Variants in ZNF836 observed in about 807,000 individuals in gnomAD.
The protein encoded by ZNF836 is zinc finger protein 836.
In ZNF836, 12 loss-of-function variants were observed where a neutral mutation model predicts 7.4. The observed-to-expected ratio is 1.61, with a 90% confidence interval of 1.03 to 2.61. ZNF836 has a LOEUF of 2.61. ZNF836 is among the 30% of genes most tolerant of loss of function. ZNF836 has a pLI of 0.00. For synonymous variants in ZNF836, 365 were observed against 382.6 expected (o/e 0.95, Z 0.54); for missense variants, 998 against 1,126.2 (o/e 0.89, Z 1.63).
intron 3 of ZNF836, among the ~76,000 whole-genome samples, chr19:52,166,540 AT>A (rs2122228166): frequency 6.7e-6 from 1 of 150,346 alleles, no homozygotes; most frequent in South Asian, 2.1e-4. Flanking sequence ...ATAATAAAAT[AT>A]TATTTTCCTA....
chr19:52,155,727 G>C lies in ZNF836; in HGVS notation c.1956C>G (p.Cys652Trp). ...TATGAATTTTCCGATGACGTGCTAG[G>C]CATGAGTAGTAACTGAAAACCTTGC... ...ECGKVFSYYS[C>W]LARHRKIHTG... is the part of the protein sequence containing the mutation. Residue 652 changes from cysteine to tryptophan, a missense_variant, in exon 5 of 5, where the codon TGC becomes TGG. By Grantham distance (215) the Cys-to-Trp change is radical. Transcript: ENST00000682614. 1 of 1,614,104 alleles carries C rather than the reference G, an allele frequency of 6.2e-7. No individual in the cohort carries two copies.
chr19:52,156,619 T>C lies in ZNF836; in HGVS notation c.1064A>G (p.Glu355Gly), dbSNP rs61739527. 51,590 of 1,614,096 alleles carry C rather than the reference T, an allele frequency of 0.032. 1,009 individuals are homozygous for C. The highest frequency in any genetic ancestry group is 0.038 in the Middle Eastern group (231 of 6,062). The change falls in exon 5 of 5, where the codon GAG becomes GGG. Residue 355 changes from glutamate to glycine, a missense_variant. Coordinates refer to ENST00000682614, the MANE Select transcript of ZNF836 (RefSeq NM_001102657.3). The part of the protein sequence containing the change: ...LTTHQIIHTG[E>G]KPYQCDICGK... ...ACATATATCACATTGATATGGTTTC[T>C]CTCCTGTATGGATTATCTGATGTGT...
chr19:52,162,421 C>G (rs1357684722), intron 3 of ZNF836, among the ~76,000 whole-genome samples: 1 of 152,220 alleles, frequency 6.6e-6, no homozygotes, highest in Non-Finnish European at 1.5e-5. Flanking sequence ...AACCGTGAGT[C>G]CACATCTCAT....
At chr19:52,166,612 C>T (rs1600143808) in intron 3 of ZNF836, among the ~76,000 whole-genome samples, 2 of 139,314 alleles carry the variant, frequency 1.4e-5, no homozygotes, top group African/African-American at 5.3e-5. Flanking sequence ...CTCGCTCTGT[C>T]GCCCAGGCTG....
chr19:52,166,941 T>C (rs2089270374), intron 3 of ZNF836, among the ~76,000 whole-genome samples: 1 of 151,742 alleles, frequency 6.6e-6, no homozygotes, highest in Non-Finnish European at 1.5e-5. Flanking sequence ...AACAAATATA[T>C]TATGTGATGT....
At position 52,154,635 on chromosome 19, in the gene ZNF836, G is replaced by C. The variant is rs2089133873; in HGVS notation, c.*237C>G. ...AGATCACGCCACTGCATTCCAGCCT[G>C]GCGACAGAGAGAGACTCCGTCTCAA... On this transcript the variant is annotated 3_prime_UTR_variant, in exon 5 of 5. Coordinates refer to ENST00000682614, the MANE Select transcript of ZNF836 (RefSeq NM_001102657.3). The C allele has an allele frequency of 6.0e-6, 2 of 336,052 alleles. No individual in the cohort carries two copies. The highest frequency in any genetic ancestry group is 9.0e-5 in the Admixed American group (2 of 22,314). 20.8% of individuals were successfully genotyped at this position (336,052 alleles called of 1,614,324 possible). A position where few individuals can be genotyped will look rare whatever the true frequency, so the allele number is the denominator to read the frequency against.
chr19:52,170,290 C>T (rs149714524), intron 1 of ZNF836: 9 of 152,430 alleles, frequency 5.9e-5, no homozygotes, highest in African/African-American at 2.2e-4. Context: ...TCCCCAATCT[C>T]CACGTATTTC....
chr19:52,167,332 C>T (rs2089273912), intron 3 of ZNF836, among the ~76,000 whole-genome samples: 1 of 151,434 alleles, frequency 6.6e-6, no homozygotes. Flanking sequence ...ATCAGCCGGG[C>T]GTGGTGGCGC....
chr19:52,164,430 GGAGA>G (rs149371899), intron 3 of ZNF836, among the ~76,000 whole-genome samples: 153 of 136,514 alleles, frequency 1.1e-3, no homozygotes, highest in South Asian at 4.0e-3. Flanking sequence ...AAGGAGGGAG[GGAGA>G]GAGAGAGAGA....
Position 52,157,001 on chromosome 19 carries a change from T to C in ZNF836, c.682A>G (p.Arg228Gly). ...YMCKGCGKAFRVSSSLINHQM... is the reference protein window; with the variant it reads ...YMCKGCGKAFGVSSSLINHQM... Reference sequence around the variant, plus strand: ...TGGTTAATAAGACTTGAAGACACTCTAAAGGCTTTGCCACACCCTTTACAC... The same window carrying C: ...TGGTTAATAAGACTTGAAGACACTCCAAAGGCTTTGCCACACCCTTTACAC... The change falls in exon 5 of 5, where the codon AGA (arginine) becomes GGA (glycine). Residue 228 changes from arginine to glycine, a missense_variant. Transcript: ENST00000682614. 1 of 1,613,268 alleles carries C rather than the reference T, an allele frequency of 6.2e-7. No homozygotes were observed. Among genetic ancestry groups the C allele is most frequent in the Non-Finnish European group, 8.5e-7 (1 of 1,179,360 alleles).
intron 3 of ZNF836, among the ~76,000 whole-genome samples, chr19:52,165,988 TTTA>T (rs1386191407): frequency 6.6e-6 from 1 of 152,060 alleles, no homozygotes; most frequent in Non-Finnish European, 1.5e-5. Flanking sequence ...ATGTCCTTTT[TTTA>T]TTTTTATTTT....
chr19:52,160,758 T>G, intron 3 of ZNF836, 167 bp from the exon 4 acceptor site: 1 of 772,672 alleles, frequency 1.3e-6, no homozygotes, highest in Admixed American at 3.4e-5. Flanking sequence ...TGTTTTAAAA[T>G]TCAATAGAAG....
rs2089281548 is a variant in ZNF836 at position 52,168,125 on chromosome 19, A to G, written c.-53T>C. 1 of 1,589,826 alleles carries G rather than the reference A, an allele frequency of 6.3e-7. No individual in the cohort carries two copies. Among genetic ancestry groups the G allele is most frequent in the Non-Finnish European group, 8.5e-7 (1 of 1,172,730 alleles). The stretch of plus-strand genomic sequence containing the variant: ...CCTCTTCTGGGCTTCTCTCTCAGTC[A>G]ATATAATTAATTCTTTACAAGTCAA... On this transcript the variant is annotated 5_prime_UTR_variant, in exon 3 of 5. Coordinates refer to ENST00000682614, the MANE Select transcript of ZNF836 (RefSeq NM_001102657.3).
intron 3 of ZNF836, chr19:52,165,279 G>A (rs1860388952): frequency 6.6e-6 from 1 of 152,178 alleles, no homozygotes; most frequent in South Asian, 2.1e-4. Flanking sequence ...CAACCTGGAG[G>A]AAACTTCAGA....
Position 52,156,569 on chromosome 19 carries a change from T to G in ZNF836, c.1114A>C (p.Asn372His). The G allele has an allele frequency of 1.2e-6, 2 of 1,612,924 alleles. No individual in the cohort carries two copies. Among genetic ancestry groups the G allele is most frequent in the Non-Finnish European group, 1.7e-6 (2 of 1,179,760 alleles). The change falls in exon 5 of 5, where the codon AAT becomes CAT. Residue 372 changes from asparagine to histidine, a missense_variant. Physicochemically the swap from Asn to His is moderately conservative, Grantham distance 68. Coordinates refer to ENST00000682614, the MANE Select transcript of ZNF836 (RefSeq NM_001102657.3). ...ICGKVFRQNS[N>H]LVNHQRIHTG... is the part of the protein sequence containing the mutation. ...TGGATTCTCTGGTGATTTACAAGATTAGAATTCTGCCTGAAGACCTTGCCA... is the reference window on the plus strand; with the variant it reads ...TGGATTCTCTGGTGATTTACAAGATGAGAATTCTGCCTGAAGACCTTGCCA...
intron 2 of ZNF836, among the ~76,000 whole-genome samples, chr19:52,168,468 G>A (rs926379798): frequency 3.3e-5 from 5 of 151,992 alleles, no homozygotes; most frequent in Non-Finnish European, 5.9e-5. Context: ...TGCACCTGTA[G>A]TCCCAGCTAC....
At position 52,156,907 on chromosome 19, in the gene ZNF836, G is replaced by T. The variant is rs925211292; in HGVS notation, c.776C>A (p.Ser259Ter). ...NECGKAFHRG[S>*]LLTIHQIVHT... ...GACTATCTGATGTATAGTTAGTAGT[G>T]AGCCCCGATGAAAGGCTTTGCCACA... Residue 259 changes from serine (S) to a stop codon, truncating the protein, a stop_gained, in exon 5 of 5, where the codon TCA becomes TAA. Transcript: ENST00000682614. LOFTEE classifies it low-confidence loss of function (END_TRUNC). 2 of 1,614,140 alleles carry T rather than the reference G, an allele frequency of 1.2e-6. No homozygotes were observed. Among genetic ancestry groups the T allele is most frequent in the Non-Finnish European group, 1.7e-6 (2 of 1,180,018 alleles).
At chr19:52,168,278 A>T in intron 2 of ZNF836, 126 bp from the exon 3 acceptor site, 1 of 581,808 alleles carries the variant, frequency 1.7e-6, no homozygotes, top group East Asian at 2.9e-5. Context: ...GGATGCAAGG[A>T]TAATAAATTC....
chr19:52,159,337 AT>A (rs1040636196), intron 4 of ZNF836, among the ~76,000 whole-genome samples: 2 of 152,212 alleles, frequency 1.3e-5, no homozygotes, highest in African/African-American at 4.8e-5. Context: ...AATTATCACT[AT>A]TTTACAAATA....
Sources: gnomAD v4.1 joint callset for allele counts (sites outside exome capture counted in the v4.1 genomes callset) on GRCh38, gnomAD v4.1.1 for gene constraint, MANE v1.5 for transcripts, NCBI Gene and HGNC (gene_info 2026-07-23, HGNC 2026-07-21) for gene names.